The following AMOTL1 variants were observed in gnomAD, a reference collection of about 807,000 sequenced individuals.
The protein encoded by AMOTL1 is angiomotin-like protein 1.
Under a neutral mutation model 102.9 loss-of-function variants are expected in AMOTL1, and 45 were observed. The ratio of observed to expected loss-of-function variants is 0.44; its 90% CI spans 0.34 to 0.56. The LOEUF is 0.56. AMOTL1 is among the 20% of genes least tolerant of loss of function. The pLI, the probability that AMOTL1 is intolerant of heterozygous loss-of-function variation, is 0.01. For synonymous variants in AMOTL1, 481 were observed against 484.7 expected, an observed-to-expected ratio of 0.99 and a Z score of 0.10; for missense variants, 1,114 against 1,225.6, an observed-to-expected ratio of 0.91 and a Z score of 1.36.
At chr11:94,723,516 A>T (rs532897915) in intron 1 of AMOTL1, among the ~76,000 whole-genome samples, 1 of 152,284 alleles carries the variant, frequency 6.6e-6, no homozygotes, top group South Asian at 2.1e-4. Context: ...TTATTGGAAT[A>T]TTTAAAATAT....
intron 4 of AMOTL1, among the ~76,000 whole-genome samples, chr11:94,826,776 G>A (rs1003224747): frequency 1.3e-5 from 2 of 152,162 alleles, no homozygotes; most frequent in African/African-American, 4.8e-5. Context: ...ATGAGTTTTG[G>A]TGGGGACAAA....
At chr11:94,820,237 T>G (rs983915459) in intron 3 of AMOTL1, 3 of 146,248 alleles carry the variant, frequency 2.1e-5, no homozygotes, top group Non-Finnish European at 3.0e-5. Context: ...GTGTTTCTCT[T>G]CTGCCACTAC....
At position 94,838,156 on chromosome 11, in the gene AMOTL1, G is replaced by C. The variant is rs142429544; in HGVS notation, c.1648+6615G>C. 2.6e-5 allele frequency among the ~76,000 whole-genome samples: 4 copies of C among 152,268 alleles called. No homozygotes were observed. The East Asian group carries it at 7.7e-4, about 29-fold the overall frequency. On this transcript the variant is annotated intron_variant, in intron 6 of 12. Coordinates refer to ENST00000433060, the MANE Select transcript of AMOTL1 (RefSeq NM_130847.3). The stretch of plus-strand genomic sequence containing the variant: ...ACAACTGTAAATAAGTAATTGTTTG[G>C]ATAATCCTTTTCTATCTTCCCCCAC...
chr11:94,732,346 A>G (rs540940872), intron 2 of AMOTL1, among the ~76,000 whole-genome samples: 37 of 152,228 alleles, frequency 2.4e-4, no homozygotes, highest in African/African-American at 8.2e-4. Flanking sequence ...TCGGGCTGCA[A>G]TTGGGTAGGA....
chr11:94,859,343 G>A (rs1464513987), intron 8 of AMOTL1, among the ~76,000 whole-genome samples, 182 bp from the exon 9 acceptor site: 1 of 152,104 alleles, frequency 6.6e-6, no homozygotes, highest in African/African-American at 2.4e-5. Flanking sequence ...GTAAAACTGG[G>A]ATAATATTGT....
Position 94,821,746 on chromosome 11 carries a change from G to A in AMOTL1, c.1338G>A (p.Glu446=). ...TGGAGCGAGCCCAGCAAATGGTGGA[G>A]ATATTAACAGAGGAGAACCGGGTGC... ...AIVERAQQMV[E]ILTEENRVLH... Residue 446 remains glutamate, a synonymous_variant, in exon 4 of 13, where the codon GAG becomes GAA. Coordinates refer to ENST00000433060, the MANE Select transcript of AMOTL1 (RefSeq NM_130847.3). The A allele has an allele frequency of 6.2e-7, 1 of 1,614,036 alleles. No individual in the cohort carries two copies. Among genetic ancestry groups the A allele is most frequent in the Non-Finnish European group, 8.5e-7 (1 of 1,179,896 alleles).
chr11:94,812,617 T>C (rs1277179726), intron 3 of AMOTL1, among the ~76,000 whole-genome samples: 1 of 151,924 alleles, frequency 6.6e-6, no homozygotes, highest in Non-Finnish European at 1.5e-5. Flanking sequence ...TATAGTTTTT[T>C]GTTTTGTTTT....
At chr11:94,837,364 A>G (rs372267651) in intron 6 of AMOTL1, among the ~76,000 whole-genome samples, 3 of 152,218 alleles carry the variant, frequency 2.0e-5, no homozygotes, top group East Asian at 3.8e-4. Context: ...TATAAAATAC[A>G]TGTATTCTGC....
At position 94,869,144 on chromosome 11, in the gene AMOTL1, TAAAA is replaced by T. The variant is rs879037154; in HGVS notation, c.2489-44_2489-41del. 285 of 1,238,860 alleles carry T rather than the reference TAAAA, an allele frequency of 2.3e-4. 2 individuals are homozygous for T. In the African/African-American group the frequency reaches 4.2e-3, roughly 18 times the overall value. 76.7% of individuals were successfully genotyped at this position (1,238,860 alleles called of 1,614,324 possible). On this transcript the variant is annotated intron_variant, in intron 11 of 12. Coordinates refer to ENST00000433060, the MANE Select transcript of AMOTL1 (RefSeq NM_130847.3). ...AGGAACAGATCTGCAAGACTAGATT[TAAAA>T]AAAAAAAAAGGAAAAAAAGAATGTT...
intron 3 of AMOTL1, among the ~76,000 whole-genome samples, chr11:94,806,318 A>G (rs1951568010): frequency 6.6e-6 from 1 of 152,244 alleles, no homozygotes; most frequent in Non-Finnish European, 1.5e-5. Context: ...ATTACAAGAA[A>G]GAAGGTTTGA....
intron 6 of AMOTL1, among the ~76,000 whole-genome samples, chr11:94,840,705 CACAT>C (rs1293172134): frequency 2.3e-4 from 33 of 144,892 alleles, no homozygotes; most frequent in Admixed American, 4.8e-4. Flanking sequence ...CACACACACA[CACAT>C]ATATATATAC....
At chr11:94,740,930 TC>T (rs1565335095) in intron 2 of AMOTL1, 1 of 1,288,850 alleles carries the variant, frequency 7.8e-7, no homozygotes, top group Admixed American at 2.3e-5. Flanking sequence ...GCTTTTCTTC[TC>T]CCCCAGACAG....
At chr11:94,781,437 C>A (rs1162695354) in intron 1 of AMOTL1, among the ~76,000 whole-genome samples, 1 of 152,224 alleles carries the variant, frequency 6.6e-6, no homozygotes, top group Admixed American at 6.5e-5. Flanking sequence ...TTGACTTTTA[C>A]ATCTTTTGGA....
intron 1 of AMOTL1, among the ~76,000 whole-genome samples, chr11:94,775,479 T>G (rs1211549102): frequency 6.6e-6 from 1 of 152,116 alleles, no homozygotes; most frequent in African/African-American, 2.4e-5. Context: ...GAAATATAAC[T>G]CTGTGACTTT....
upstream of AMOTL1, among the ~76,000 whole-genome samples, chr11:94,765,655 G>A (rs1950846938): frequency 6.6e-6 from 1 of 152,188 alleles, no homozygotes; most frequent in African/African-American, 2.4e-5. Flanking sequence ...GAACCCACAA[G>A]CTGTGCCTAG....
intron 4 of AMOTL1, among the ~76,000 whole-genome samples, chr11:94,828,507 C>T (rs1181369814): frequency 6.6e-6 from 1 of 152,098 alleles, no homozygotes; most frequent in African/African-American, 2.4e-5. Flanking sequence ...CTCCCCTGCC[C>T]ATAATTTAAA....
At chr11:94,742,205 G>C (rs1007355255) in intron 3 of AMOTL1, among the ~76,000 whole-genome samples, 10 of 152,224 alleles carry the variant, frequency 6.6e-5, no homozygotes, top group African/African-American at 2.4e-4. Flanking sequence ...TAGCTTTTAA[G>C]ACATACTGTG....
chr11:94,864,953 C>A, intron 10 of AMOTL1, 93 bp downstream of exon 10: 1 of 1,446,344 alleles, frequency 6.9e-7, no homozygotes, highest in Non-Finnish European at 9.2e-7. Flanking sequence ...TTCTGAAAGG[C>A]TGTGAGCATG....
intron 3 of AMOTL1, among the ~76,000 whole-genome samples, chr11:94,759,960 TA>T (rs1000710725): frequency 6.6e-6 from 1 of 152,258 alleles, no homozygotes; most frequent in Non-Finnish European, 1.5e-5. Flanking sequence ...CACAATCAGA[TA>T]ATTTGTTGCC....
Sources: gnomAD v4.1 joint callset for allele counts (sites outside exome capture counted in the v4.1 genomes callset) on GRCh38, gnomAD v4.1.1 for gene constraint, MANE v1.5 for transcripts, NCBI Gene and HGNC (gene_info 2026-07-23, HGNC 2026-07-21) for gene names.